The following TMEM196 variants were observed in gnomAD, a reference collection of about 807,000 sequenced individuals.
The protein encoded by TMEM196 is transmembrane protein 196.
A neutral mutation model predicts 20.0 loss-of-function variants in TMEM196; 17 were observed. The ratio of observed to expected loss-of-function variants is 0.85; its 90% CI spans 0.58 to 1.27. TMEM196 has a LOEUF of 1.27. Ranked by LOEUF, TMEM196 falls within the 50% of genes most tolerant of loss-of-function variation. The pLI is 0.00. For missense variants in TMEM196, 267 were observed against 223.0 expected (o/e 1.20, Z -1.26); for synonymous variants, 113 against 88.9 (o/e 1.27, Z -1.52).
chr7:19,748,356 A>C (rs959525031), intron 1 of TMEM196, among the ~76,000 whole-genome samples: 1 of 151,752 alleles, frequency 6.6e-6, no homozygotes, highest in Non-Finnish European at 1.5e-5. Flanking sequence ...GAGACATTAT[A>C]ATCATTGAGC....
At chr7:19,724,417 A>G in intron 3 of TMEM196, 64 bp from the exon 4 acceptor site, 9 of 1,446,506 alleles carry the variant, frequency 6.2e-6, no homozygotes, top group South Asian at 1.2e-5. Flanking sequence ...ACTAAATCAG[A>G]CTAGTATAAA....
chr7:19,723,717 G>A (rs1043015583), intron 4 of TMEM196, among the ~76,000 whole-genome samples: 1 of 152,068 alleles, frequency 6.6e-6, no homozygotes, highest in Non-Finnish European at 1.5e-5. Context: ...GTGACTTTCT[G>A]TCTGTCCAAT....
chr7:19,758,771 G>T (rs1330130595), intron 1 of TMEM196, among the ~76,000 whole-genome samples: 1 of 152,018 alleles, frequency 6.6e-6, no homozygotes, highest in African/African-American at 2.4e-5. Flanking sequence ...AGAGTCTCAG[G>T]CTACACAAAA....
At position 19,722,132 on chromosome 7, in the gene TMEM196, T is replaced by G. The variant is rs61738917; in HGVS notation, c.536A>C (p.Lys179Thr). 659 of 1,607,732 alleles carry G rather than the reference T, an allele frequency of 4.1e-4. 3 individuals carry two copies. The African/African-American group carries it at 7.8e-3, about 19-fold the overall frequency. The change falls in exon 5 of 5, where the codon AAA becomes ACA. Residue 179 changes from lysine (K) to threonine (T), a missense_variant and splice_region_variant. By Grantham distance (78) the Lys-to-Thr change is moderately conservative. Transcript: ENST00000405844. ...VPPTPELPTR[K>T] ...CTCCATTGCTCATGTTGTCTGTTAT[T>G]TCCTGTTAGAAAAATGACATGATTA...
At chr7:19,749,424 T>A (rs1240175348) in intron 1 of TMEM196, among the ~76,000 whole-genome samples, 1 of 152,204 alleles carries the variant, frequency 6.6e-6, no homozygotes, top group African/African-American at 2.4e-5. Flanking sequence ...TTCACAAAAT[T>A]AGTATCCAAG....
Position 19,759,571 on chromosome 7 carries a change from G to A in TMEM196, c.147+12979C>T, listed in dbSNP as rs142377699. Among the ~76,000 whole-genome samples, 81 of 151,976 alleles carry A rather than the reference G, an allele frequency of 5.3e-4. No individual in the cohort carries two copies. The East Asian group carries it at 0.014, about 26-fold the overall frequency. ...GCATCTCTCTATATTGATCTCACAAGCATCTCTACTTTCACAGGTCACAAA... is the reference window on the plus strand; with the variant it reads ...GCATCTCTCTATATTGATCTCACAAACATCTCTACTTTCACAGGTCACAAA... On this transcript the variant is annotated intron_variant, in intron 1 of 4. Coordinates refer to ENST00000405844, the MANE Select transcript of TMEM196 (RefSeq NM_001363562.2).
chr7:19,739,244 C>T (rs1784506118), intron 1 of TMEM196, among the ~76,000 whole-genome samples: 1 of 152,016 alleles, frequency 6.6e-6, no homozygotes, highest in Non-Finnish European at 1.5e-5. Flanking sequence ...ATCAACTCTA[C>T]ATGGTAATAT....
chr7:19,733,360 T>C (rs1456200101), intron 1 of TMEM196, among the ~76,000 whole-genome samples: 1 of 152,174 alleles, frequency 6.6e-6, no homozygotes, highest in Non-Finnish European at 1.5e-5. Flanking sequence ...TTAGAGCCCA[T>C]CAGAGAGCTG....
intron 1 of TMEM196, among the ~76,000 whole-genome samples, chr7:19,735,572 A>T (rs1784369007): frequency 6.6e-6 from 1 of 152,142 alleles, no homozygotes; most frequent in Non-Finnish European, 1.5e-5. Flanking sequence ...AGCAACTAAG[A>T]GTAAAAAAGG....
chr7:19,739,272 C>T (rs1784507274), intron 1 of TMEM196, among the ~76,000 whole-genome samples: 1 of 151,870 alleles, frequency 6.6e-6, no homozygotes, highest in Non-Finnish European at 1.5e-5. Context: ...TAGCAAGGCA[C>T]AAATTAATAT....
chr7:19,755,785 T>C (rs983990623), intron 1 of TMEM196, among the ~76,000 whole-genome samples: 1 of 152,188 alleles, frequency 6.6e-6, no homozygotes, highest in African/African-American at 2.4e-5. Flanking sequence ...TTCCAGCACT[T>C]TGGGAGGCTG....
At chr7:19,725,799 T>C in intron 2 of TMEM196, 31 bp from the exon 3 acceptor site, 1 of 1,560,406 alleles carries the variant, frequency 6.4e-7, no homozygotes, top group Admixed American at 1.8e-5. Context: ...AGCGTTAAAG[T>C]TGAAAAGGCA....
chr7:19,731,487 C>G lies in TMEM196; in HGVS notation c.148-2049G>C, dbSNP rs1784200171. ...ATTCTGTACCTTTCAGTGCTTCAAG[C>G]TTCAGATCAAAGCTCAAGCATACTC... On this transcript the variant is annotated intron_variant, in intron 1 of 4. Transcript: ENST00000405844. 2.0e-5 allele frequency among the ~76,000 whole-genome samples: 3 copies of G among 152,074 alleles called. No individual in the cohort carries two copies. The Admixed American group carries it at 2.0e-4, about 10-fold the overall frequency.
intron 1 of TMEM196, among the ~76,000 whole-genome samples, chr7:19,764,024 T>G (rs1785532538): frequency 6.6e-6 from 1 of 152,158 alleles, no homozygotes; most frequent in African/African-American, 2.4e-5. Flanking sequence ...TCCAATTAAA[T>G]GCACAAATTT....
chr7:19,759,053 C>A (rs1785328102), intron 1 of TMEM196, among the ~76,000 whole-genome samples: 1 of 152,118 alleles, frequency 6.6e-6, no homozygotes, highest in African/African-American at 2.4e-5. Context: ...TAAACATGTT[C>A]CAAAATCTCC....
intron 1 of TMEM196, among the ~76,000 whole-genome samples, chr7:19,769,136 C>A (rs1029264410): frequency 6.6e-6 from 1 of 152,016 alleles, no homozygotes; most frequent in African/African-American, 2.4e-5. Flanking sequence ...CAGCACTAAT[C>A]AAAATATAGT....
rs1783914601 is a variant in TMEM196, at chr7:19,724,325, A to C, written c.488T>G (p.Leu163Trp). 1.3e-6 allele frequency: 2 copies of C among 1,550,292 alleles called. No homozygotes were observed. The highest frequency in any genetic ancestry group is 1.4e-5 in the African/African-American group (1 of 73,024). ...CGGGGGCACCACCGGGCAGCTGGGC[A>C]AGTCGGTTATTTCAATAGCCCTCAA... ...KRLRAIEITD[L>W]PSCPVVPPTP... is the part of the protein sequence containing the mutation. The change falls in exon 4 of 5, where the codon TTG (leucine) becomes TGG (tryptophan). Residue 163 changes from leucine to tryptophan, a missense_variant. Leu to Trp is a moderately conservative substitution (Grantham distance 61). Transcript: ENST00000405844.
In TMEM196 at chr7:19,720,782, T is replaced by C. The variant is rs572908771; in HGVS notation, c.*1346A>G. ...CTTTGGATATAGGCTTTCTTATATA[T>C]GGACTGCCTATATTATTTCATGAGA... On this transcript the variant is annotated 3_prime_UTR_variant, in exon 5 of 5. Coordinates refer to ENST00000405844, the MANE Select transcript of TMEM196 (RefSeq NM_001363562.2). 1 of 152,030 alleles carries C rather than the reference T, an allele frequency of 6.6e-6. No homozygotes were observed. Among genetic ancestry groups the C allele is most frequent in the East Asian group, 1.9e-4 (1 of 5,180 alleles). 9.4% of individuals were successfully genotyped at this position (152,030 alleles called of 1,614,324 possible). A position where few individuals can be genotyped will look rare whatever the true frequency, so the allele number is the denominator to read the frequency against.
intron 1 of TMEM196, among the ~76,000 whole-genome samples, chr7:19,767,273 C>T (rs1046963093): frequency 6.6e-6 from 1 of 152,108 alleles, no homozygotes; most frequent in Non-Finnish European, 1.5e-5. Context: ...ATTTACATCT[C>T]TTTTGACGCA....
Sources: allele counts gnomAD v4.1 joint callset (sites outside exome capture counted in the v4.1 genomes callset), GRCh38; gene constraint gnomAD v4.1.1; transcripts MANE v1.5; gene names NCBI Gene and HGNC (gene_info 2026-07-23, HGNC 2026-07-21).